The following EML6 variants were observed in gnomAD, a reference collection of about 807,000 sequenced individuals.
EML6 encodes the protein echinoderm microtubule-associated protein-like 6.
EML6 carries 154 observed loss-of-function variants against 240.1 expected under a neutral mutation model. The ratio of observed to expected loss-of-function variants is 0.64; its 90% confidence interval spans 0.56 to 0.73. The LOEUF (loss-of-function observed/expected upper bound fraction) is 0.73, where lower values mean the gene tolerates loss of function less well. EML6 is among the 30% of genes least tolerant of loss of function. The pLI, the probability that EML6 is intolerant of heterozygous loss-of-function variation, is 0.00. For synonymous variants in EML6, 1,148 were observed against 899.0 expected (o/e 1.28, Z -4.95); for missense variants, 2,964 against 2,474.6 (o/e 1.20, Z -4.20).
chr2:54,855,642 C>T (rs1052996315), intron 11 of EML6, among the ~76,000 whole-genome samples: 17 of 152,110 alleles, frequency 1.1e-4, no homozygotes, highest in African/African-American at 4.1e-4. Context: ...AGATGGACAG[C>T]CAGATGACAG....
At chr2:54,958,085 G>C (rs1330955620) in intron 33 of EML6, 87 bp downstream of exon 33, 5 of 1,216,842 alleles carry the variant, frequency 4.1e-6, no homozygotes, top group African/African-American at 3.1e-5. Flanking sequence ...GTTTGGCCAA[G>C]AGGCTGAAAA....
chr2:54,891,260 A>G (rs948110247), intron 18 of EML6, 106 bp downstream of exon 18: 3 of 556,844 alleles, frequency 5.4e-6, no homozygotes, highest in South Asian at 7.3e-5. Flanking sequence ...CTGCAATCTA[A>G]AATAAAAATG....
chr2:54,863,909 T>C lies in EML6; in HGVS notation c.1932+20T>C. On this transcript the variant is annotated intron_variant, in intron 13 of 41. Coordinates refer to ENST00000356458, the MANE Select transcript of EML6 (RefSeq NM_001039753.4). ...CGCCAGGTCGGTAAGCAGGGAGCAATGAAAATTTGTAACCCCAGAAGGGGA... is the reference window on the plus strand; with the variant it reads ...CGCCAGGTCGGTAAGCAGGGAGCAACGAAAATTTGTAACCCCAGAAGGGGA... 4.4e-6 allele frequency: 6 copies of C among 1,374,498 alleles called. No homozygotes were observed. Among genetic ancestry groups the C allele is most frequent in the Non-Finnish European group, 6.0e-6 (6 of 992,810 alleles). 85.1% of individuals were successfully genotyped at this position (1,374,498 alleles called of 1,614,324 possible). A position where few individuals can be genotyped will look rare whatever the true frequency, so the allele number is the denominator to read the frequency against.
At chr2:54,893,868 A>T (rs1431826733) in intron 19 of EML6, among the ~76,000 whole-genome samples, 1 of 152,112 alleles carries the variant, frequency 6.6e-6, no homozygotes, top group Non-Finnish European at 1.5e-5. Flanking sequence ...TTTTATTGGT[A>T]CATATGTTTT....
intron 28 of EML6, among the ~76,000 whole-genome samples, chr2:54,946,968 A>G (rs1424687892): frequency 6.6e-6 from 1 of 152,132 alleles, no homozygotes; most frequent in East Asian, 1.9e-4. Flanking sequence ...TATATATACA[A>G]TCTCCTGTAT....
chr2:54,852,132 C>G lies in EML6; in HGVS notation c.1445-1511C>G, dbSNP rs140787396. Among the ~76,000 whole-genome samples the G allele has an allele frequency of 2.1e-3, 320 of 152,272 alleles. 2 individuals carry two copies. The highest frequency in any genetic ancestry group is 7.3e-3 in the African/African-American group (304 of 41,552). On this transcript the variant is annotated intron_variant, in intron 10 of 41. Coordinates refer to ENST00000356458, the MANE Select transcript of EML6 (RefSeq NM_001039753.4). ...ATTGTTTTAGTCCCAGATCTTTGTTCTTCATAATTGGAATCTCTTACTGGT... is the reference window on the plus strand; with the variant it reads ...ATTGTTTTAGTCCCAGATCTTTGTTGTTCATAATTGGAATCTCTTACTGGT...
At chr2:54,832,046 T>A (rs1396363964) in intron 7 of EML6, among the ~76,000 whole-genome samples, 1 of 152,200 alleles carries the variant, frequency 6.6e-6, no homozygotes, top group Non-Finnish European at 1.5e-5. Flanking sequence ...AAAATTATCC[T>A]CTCCCCCTGG....
chr2:54,862,363 A>AAC (rs1670723665), intron 12 of EML6, among the ~76,000 whole-genome samples: 1 of 148,598 alleles, frequency 6.7e-6, no homozygotes, highest in African/African-American at 2.6e-5. Flanking sequence ...AAAAAAAAAA[A>AAC]AACTTTCTCT....
At chr2:54,825,160 A>C (rs1380624133) in intron 5 of EML6, among the ~76,000 whole-genome samples, 1 of 152,160 alleles carries the variant, frequency 6.6e-6, no homozygotes, top group Non-Finnish European at 1.5e-5. Flanking sequence ...CGGGGGGTGT[A>C]TATCCAAAGT....
At chr2:54,841,897 T>TC (rs2103661323) in intron 7 of EML6, among the ~76,000 whole-genome samples, 1 of 152,184 alleles carries the variant, frequency 6.6e-6, no homozygotes, top group Admixed American at 6.5e-5. Context: ...CTTGCCATTT[T>TC]TTTTTTAATA....
intron 28 of EML6, among the ~76,000 whole-genome samples, chr2:54,935,073 T>G (rs1229154154): frequency 6.6e-6 from 1 of 152,228 alleles, no homozygotes; most frequent in Admixed American, 6.5e-5. Flanking sequence ...TATAACCTTT[T>G]GTAGGCTCAA....
intron 5 of EML6, among the ~76,000 whole-genome samples, chr2:54,823,820 C>T (rs1404028329): frequency 6.9e-6 from 1 of 144,548 alleles, no homozygotes; most frequent in Non-Finnish European, 1.5e-5. Context: ...ATTTAATCTC[C>T]CTGAGGCTGA....
Position 54,883,205 on chromosome 2 carries a change from T to C in EML6, c.2438+3565T>C, listed in dbSNP as rs188913987. ...GGTTAACATTTTAGCATATATCTTT[T>C]AGTGTGTATTTTTCTAGTATTTGTA... On this transcript the variant is annotated intron_variant, in intron 17 of 41. Transcript: ENST00000356458. 3.0e-3 allele frequency among the ~76,000 whole-genome samples: 460 copies of C among 152,284 alleles called. 1 individual carries two copies. Among genetic ancestry groups the C allele is most frequent in the Middle Eastern group, 0.01 (3 of 294 alleles).
chr2:54,901,070 G>T (rs1452278100), intron 22 of EML6, among the ~76,000 whole-genome samples: 1 of 152,180 alleles, frequency 6.6e-6, no homozygotes, highest in Non-Finnish European at 1.5e-5. Flanking sequence ...AGTGATGGTG[G>T]CTAATATGGC....
chr2:54,884,204 T>C (rs1450588602), intron 17 of EML6, among the ~76,000 whole-genome samples: 1 of 152,178 alleles, frequency 6.6e-6, no homozygotes. Context: ...AACTCGGACA[T>C]ACTTACTTCA....
At position 54,853,617 on chromosome 2, in the gene EML6, G is replaced by A. The variant is rs1193817399; in HGVS notation, c.1445-26G>A. The stretch of plus-strand genomic sequence containing the variant: ...ATTAGAATAAACTTTTTATTTAAAT[G>A]TAATGTTAATATTGATTATTTTCAG... On this transcript the variant is annotated intron_variant, in intron 10 of 41. Coordinates refer to ENST00000356458, the MANE Select transcript of EML6 (RefSeq NM_001039753.4). 5 of 1,316,018 alleles carry A rather than the reference G, an allele frequency of 3.8e-6. No homozygotes were observed. The Admixed American group carries it at 1.1e-4, about 29-fold the overall frequency. The allele number at this position is 1,316,018 out of a possible 1,614,324, so 81.5% of individuals were successfully genotyped here.
chr2:54,858,577 G>A (rs187107746), intron 11 of EML6, among the ~76,000 whole-genome samples: 1 of 152,156 alleles, frequency 6.6e-6, no homozygotes, highest in African/African-American at 2.4e-5. Flanking sequence ...TTTGAAGTAG[G>A]CAAGTTTGCT....
At chr2:54,904,058 A>G (rs1372903452) in intron 24 of EML6, among the ~76,000 whole-genome samples, 1 of 152,202 alleles carries the variant, frequency 6.6e-6, no homozygotes, top group Non-Finnish European at 1.5e-5. Flanking sequence ...TCTAGCTTTT[A>G]TGGTGTTGCA....
intron 28 of EML6, among the ~76,000 whole-genome samples, chr2:54,937,476 C>T (rs201398648): frequency 6.9e-6 from 1 of 144,642 alleles, no homozygotes; most frequent in East Asian, 2.0e-4. Flanking sequence ...TCACTTGAGC[C>T]TGGGAGGTCA....
Sources: gnomAD v4.1 joint callset for allele counts (sites outside exome capture counted in the v4.1 genomes callset) on GRCh38, gnomAD v4.1.1 for gene constraint, MANE v1.5 for transcripts, NCBI Gene and HGNC (gene_info 2026-07-23, HGNC 2026-07-21) for gene names.